C1orf185: variants seen among roughly 807,000 people sequenced by gnomAD.
The protein encoded by C1orf185 is uncharacterized protein C1orf185.
A neutral mutation model predicts 16.1 loss-of-function variants in C1orf185; 13 were observed. That is an observed-to-expected ratio of 0.81 (90% CI 0.53 to 1.28). The LOEUF is 1.28. C1orf185 is among the 50% of genes most tolerant of loss of function. The probability of loss-of-function intolerance (pLI) is 0.00; values close to 1 mark genes in which losing one functional copy is unlikely to be tolerated. For missense variants in C1orf185, 220 were observed against 225.2 expected (o/e 0.98, Z 0.15); for synonymous variants, 80 against 76.9 (o/e 1.04, Z -0.21).
intron 1 of C1orf185, among the ~76,000 whole-genome samples, chr1:51,110,774 G>A (rs543064873): frequency 6.6e-6 from 1 of 152,212 alleles, no homozygotes; most frequent in East Asian, 1.9e-4. Context: ...TTAGAGACCA[G>A]CGTGGCCAAC....
intron 3 of C1orf185, among the ~76,000 whole-genome samples, chr1:51,139,391 A>T (rs1403891148): frequency 6.6e-6 from 1 of 152,194 alleles, no homozygotes; most frequent in African/African-American, 2.4e-5. Flanking sequence ...GACATGAGTT[A>T]CTGCACCTGT....
chr1:51,130,618 C>A (rs1347657325), intron 3 of C1orf185, among the ~76,000 whole-genome samples: 1 of 152,152 alleles, frequency 6.6e-6, no homozygotes, highest in East Asian at 1.9e-4. Context: ...ATCTCATTGT[C>A]CCAACATCAT....
At chr1:51,145,307 A>AAATAAT (rs111332471) in intron 3 of C1orf185, among the ~76,000 whole-genome samples, 3,747 of 150,594 alleles carry the variant, frequency 0.025, 150 homozygotes, top group African/African-American at 0.086. Flanking sequence ...CCTGTCTCTA[A>AAATAAT]AATAATAATA....
intron 4 of C1orf185, among the ~76,000 whole-genome samples, chr1:51,145,971 T>G (rs1036409225): frequency 1.3e-5 from 2 of 152,134 alleles, no homozygotes. Context: ...AAATGTGAAG[T>G]TTTAATTTTT....
At position 51,145,018 on chromosome 1, in the gene C1orf185, C is replaced by A. The variant is rs770651609; in HGVS notation, c.259-706C>A. ...TTTCAGTAGGGTCTGATATTATAACCAAGAATCAGAATTTTAACATGCACA... is the reference window on the plus strand; with the variant it reads ...TTTCAGTAGGGTCTGATATTATAACAAAGAATCAGAATTTTAACATGCACA... On this transcript the variant is annotated intron_variant, in intron 3 of 4. Coordinates refer to ENST00000371759, the MANE Select transcript of C1orf185 (RefSeq NM_001136508.2). Among the ~76,000 whole-genome samples the A allele has an allele frequency of 3.9e-5, 6 of 152,070 alleles. No homozygotes were observed. In the South Asian group the frequency reaches 1.2e-3, roughly 32 times the overall value.
At chr1:51,137,145 T>A (rs920967283) in intron 3 of C1orf185, among the ~76,000 whole-genome samples, 1 of 151,928 alleles carries the variant, frequency 6.6e-6, no homozygotes, top group Non-Finnish European at 1.5e-5. Flanking sequence ...TGGCCATGAA[T>A]CATATGAAAA....
rs1260442091 is a variant in C1orf185 at position 51,111,060 on chromosome 1, T to C, written c.17-1404T>C. ...TTTGAAAGCTTTCTACGGTTTACTT[T>C]ATGCAGCTTTCAGAATCTTAAGGAA... On this transcript the variant is annotated intron_variant, in intron 1 of 4. Coordinates refer to ENST00000371759, the MANE Select transcript of C1orf185 (RefSeq NM_001136508.2). Among the ~76,000 whole-genome samples, 4 of 152,328 alleles carry C rather than the reference T, an allele frequency of 2.6e-5. No homozygotes were observed. The East Asian group carries it at 5.8e-4, about 22-fold the overall frequency.
At chr1:51,104,769 C>T (rs1481395321) in intron 1 of C1orf185, among the ~76,000 whole-genome samples, 3 of 152,156 alleles carry the variant, frequency 2.0e-5, no homozygotes, top group African/African-American at 7.2e-5. Context: ...TTCTTACAGT[C>T]TAAATCTTAA....
At chr1:51,103,429 A>ACACACG (rs1553161787) in intron 1 of C1orf185, among the ~76,000 whole-genome samples, 5 of 149,750 alleles carry the variant, frequency 3.3e-5, no homozygotes, top group African/African-American at 7.5e-5. Flanking sequence ...ACACACACAC[A>ACACACG]CACACACACA....
At chr1:51,140,471 G>A (rs1024599568) in intron 3 of C1orf185, among the ~76,000 whole-genome samples, 20 of 152,110 alleles carry the variant, frequency 1.3e-4, no homozygotes, top group Admixed American at 1.1e-3. Flanking sequence ...GTGTATCTTA[G>A]GTTTAGATTG....
chr1:51,148,615 G>C (rs1646415705), downstream of C1orf185, among the ~76,000 whole-genome samples: 1 of 152,094 alleles, frequency 6.6e-6, no homozygotes, highest in Non-Finnish European at 1.5e-5. Flanking sequence ...GCTCCTGCAA[G>C]ATAGCTTGAA....
At chr1:51,111,824 GTTAA>G (rs1401444708) in intron 1 of C1orf185, among the ~76,000 whole-genome samples, 1 of 151,960 alleles carries the variant, frequency 6.6e-6, no homozygotes, top group Non-Finnish European at 1.5e-5. Flanking sequence ...CCTGCCCCTG[GTTAA>G]TTGTTTTTTA....
Position 51,113,100 on chromosome 1 carries a change from T to C in C1orf185, c.122+531T>C, listed in dbSNP as rs1040727867. On this transcript the variant is annotated intron_variant, in intron 2 of 4. Transcript: ENST00000371759. ...TCCCAAAGTGCTGGGATTACAGGCATGAGCCACCACACCCGGCCTTTATTT... is the reference window on the plus strand; with the variant it reads ...TCCCAAAGTGCTGGGATTACAGGCACGAGCCACCACACCCGGCCTTTATTT... Among the ~76,000 whole-genome samples the C allele has an allele frequency of 2.6e-5, 4 of 152,142 alleles. No individual in the cohort carries two copies. The South Asian group carries it at 8.3e-4, about 32-fold the overall frequency.
chr1:51,103,209 G>A (rs904258450), intron 1 of C1orf185, among the ~76,000 whole-genome samples: 5 of 151,772 alleles, frequency 3.3e-5, no homozygotes, highest in Non-Finnish European at 4.4e-5. Context: ...AGCTCAAGAC[G>A]AACCTGGGCA....
intron 3 of C1orf185, among the ~76,000 whole-genome samples, chr1:51,129,310 C>T (rs537372527): frequency 6.6e-6 from 1 of 152,268 alleles, no homozygotes; most frequent in South Asian, 2.1e-4. Flanking sequence ...CCAGCCCATG[C>T]TACCCTTTAT....
At chr1:51,131,573 A>C (rs1411483940) in intron 3 of C1orf185, among the ~76,000 whole-genome samples, 3 of 151,974 alleles carry the variant, frequency 2.0e-5, no homozygotes, top group African/African-American at 7.3e-5. Flanking sequence ...CAGGAGTTTG[A>C]GACCAGCCTG....
In C1orf185 at chr1:51,118,746, A is replaced by G; in HGVS notation, c.203A>G (p.His68Arg). The change falls in exon 3 of 5, where the codon CAT (histidine) becomes CGT (arginine). Residue 68 changes from histidine to arginine, a missense_variant. Coordinates refer to ENST00000371759, the MANE Select transcript of C1orf185 (RefSeq NM_001136508.2). ...CCATCAATGGCGAAGATTAAATCTC[A>G]TTCTCAGTGTGTTTTTATTTCTCGA... Reference protein sequence around the residue: ...QRPSMAKIKSHSQCVFISRNF... With the variant: ...QRPSMAKIKSRSQCVFISRNF... 1 of 1,496,404 alleles carries G rather than the reference A, an allele frequency of 6.7e-7. No homozygotes were observed. Among genetic ancestry groups the G allele is most frequent in the Non-Finnish European group, 9.0e-7 (1 of 1,114,284 alleles). The allele number at this position is 1,496,404 out of a possible 1,614,324, so 92.7% of individuals were successfully genotyped here.
intron 3 of C1orf185, among the ~76,000 whole-genome samples, chr1:51,140,316 T>A (rs369612903): frequency 1.9e-4 from 29 of 151,322 alleles, no homozygotes; most frequent in African/African-American, 6.3e-4. Flanking sequence ...AAAATGACAT[T>A]TTTTATTCTC....
intron 3 of C1orf185, among the ~76,000 whole-genome samples, chr1:51,142,183 C>A (rs1295891871): frequency 1.3e-5 from 2 of 152,140 alleles, no homozygotes; most frequent in Non-Finnish European, 2.9e-5. Context: ...TGTCTATTAT[C>A]CCAATCATGT....
Sources: gnomAD v4.1 joint callset for allele counts (sites outside exome capture counted in the v4.1 genomes callset) on GRCh38, gnomAD v4.1.1 for gene constraint, MANE v1.5 for transcripts, NCBI Gene and HGNC (gene_info 2026-07-23, HGNC 2026-07-21) for gene names.